Variants in CACNA1I observed in about 807,000 individuals in gnomAD.
CACNA1I encodes calcium voltage-gated channel subunit alpha1 I.
In CACNA1I, 74 loss-of-function variants were observed where a neutral mutation model predicts 201.6. That is an observed-to-expected ratio of 0.37 (90% CI 0.30 to 0.45). The LOEUF is 0.45. Among genes scored for constraint, CACNA1I ranks in the 20% least tolerant of loss-of-function variants. The pLI is 1.00. For missense variants in CACNA1I, 2,346 were observed against 3,138.1 expected (o/e 0.75, Z 6.03); for synonymous variants, 1,431 against 1,345.2 (o/e 1.06, Z -1.40).
rs900823034 is a variant in CACNA1I, at chr22:39,649,101, C to T, written c.1568-400C>T. Among the ~76,000 whole-genome samples, 1 of 152,226 alleles carries T rather than the reference C, an allele frequency of 6.6e-6. No individual in the cohort carries two copies. Among genetic ancestry groups the T allele is most frequent in the Non-Finnish European group, 1.5e-5 (1 of 68,038 alleles). Reference sequence around the variant, plus strand: ...CCTTCTCTGACGGGGGCTGCCCCCACATTGGCCTGACTCTTTCAGAATCAC... The same window carrying T: ...CCTTCTCTGACGGGGGCTGCCCCCATATTGGCCTGACTCTTTCAGAATCAC... On this transcript the variant is annotated intron_variant, in intron 9 of 36. Transcript: ENST00000402142. The surrounding 1 kb of genome is among the most constrained non-coding windows in gnomAD (Gnocchi z 7.3).
chr22:39,667,472 G>A (rs1306619800), intron 23 of CACNA1I, among the ~76,000 whole-genome samples: 1 of 152,208 alleles, frequency 6.6e-6, no homozygotes, highest in East Asian at 1.9e-4. Flanking sequence ...CCTCCGGGCA[G>A]TTTCAGATGA....
intron 1 of CACNA1I, among the ~76,000 whole-genome samples, chr22:39,597,225 C>T (rs1353111889): frequency 6.6e-6 from 1 of 152,206 alleles, no homozygotes; most frequent in Non-Finnish European, 1.5e-5. Flanking sequence ...ACTGGTATGA[C>T]AGGCGGGGGC....
chr22:39,672,609 G>A (rs1935405423), intron 27 of CACNA1I, among the ~76,000 whole-genome samples: 1 of 152,188 alleles, frequency 6.6e-6, no homozygotes, highest in Admixed American at 6.5e-5. Flanking sequence ...GGAATAGTGA[G>A]GCTCAAAGAA....
At chr22:39,583,395 TC>T (rs1165630826) in intron 1 of CACNA1I, among the ~76,000 whole-genome samples, 4 of 146,196 alleles carry the variant, frequency 2.7e-5, no homozygotes, top group Admixed American at 1.4e-4. Flanking sequence ...CATCCATCCA[TC>T]CATTCATCCA....
At position 39,662,148 on chromosome 22, in the gene CACNA1I, G is replaced by C. The variant is rs1487631334; in HGVS notation, c.3085G>C (p.Ala1029Pro). 4 of 1,527,092 alleles carry C rather than the reference G, an allele frequency of 2.6e-6. No individual in the cohort carries two copies. The highest frequency in any genetic ancestry group is 3.5e-6 in the Non-Finnish European group (4 of 1,140,708). 94.6% of individuals were successfully genotyped at this position (1,527,092 alleles called of 1,614,324 possible). Residue 1029 changes from alanine (A) to proline (P), a missense_variant, in exon 17 of 37, where the codon GCC becomes CCC. Around this residue, in one of 13 missense-constraint regions of CACNA1I, gnomAD observed 288 missense variants for 255.2 expected, o/e 1.13. Coordinates refer to ENST00000402142, the MANE Select transcript of CACNA1I (RefSeq NM_021096.4). ...TGCCGCGGACGAGGGGCCGCCGCGG[G>C]CCGCACCCCTGCACACCCCACACGC... Reference protein sequence around the residue: ...EVAADEGPPRAAPLHTPHAHH... With the variant: ...EVAADEGPPRPAPLHTPHAHH...
intron 1 of CACNA1I, among the ~76,000 whole-genome samples, chr22:39,573,309 C>A (rs1374108496): frequency 1.3e-5 from 2 of 152,104 alleles, no homozygotes; most frequent in Non-Finnish European, 2.9e-5. Flanking sequence ...CTTCTTTGAA[C>A]CTTAGGGGGT....
chr22:39,616,202 C>T (rs769992292), intron 3 of CACNA1I, among the ~76,000 whole-genome samples: 1 of 152,156 alleles, frequency 6.6e-6, no homozygotes, highest in Non-Finnish European at 1.5e-5. Context: ...GCTTCAAATG[C>T]ACTGCCAGGC....
At chr22:39,607,502 C>G (rs1408748264) in intron 3 of CACNA1I, among the ~76,000 whole-genome samples, 1 of 152,224 alleles carries the variant, frequency 6.6e-6, no homozygotes, top group African/African-American at 2.4e-5. Flanking sequence ...GAAATTACAG[C>G]TCATTCGACT....
At position 39,672,265 on chromosome 22, in the gene CACNA1I, C is replaced by T; in HGVS notation, c.4606C>T (p.Leu1536=). The part of the protein sequence containing the change: ...FTTVFVLEAV[L]KLVAFGLRRF... Reference sequence around the variant, plus strand: ...CACTGTCTTTGTGCTGGAGGCTGTGCTGAAGCTGGTGGCATTTGGTCTGAG... The same window carrying T: ...CACTGTCTTTGTGCTGGAGGCTGTGTTGAAGCTGGTGGCATTTGGTCTGAG... The change falls in exon 27 of 37, where the codon CTG becomes TTG. Residue 1536 remains leucine (L), a synonymous_variant. Transcript: ENST00000402142. 6.2e-7 allele frequency: 1 copy of T among 1,613,722 alleles called. No individual in the cohort carries two copies. Among genetic ancestry groups the T allele is most frequent in the South Asian group, 1.1e-5 (1 of 91,068 alleles).
At chr22:39,645,997 G>A (rs1275859635) in intron 7 of CACNA1I, among the ~76,000 whole-genome samples, 2 of 152,228 alleles carry the variant, frequency 1.3e-5, no homozygotes. Context: ...GGCCTGGGAA[G>A]CCCACGACGG....
chr22:39,645,783 G>A (rs756762067), intron 7 of CACNA1I, among the ~76,000 whole-genome samples: 7 of 152,202 alleles, frequency 4.6e-5, no homozygotes, highest in Non-Finnish European at 1.0e-4. Flanking sequence ...CCTGGAAACT[G>A]GAGAGGAGCC....
Position 39,647,886 on chromosome 22 carries a change from G to T in CACNA1I, c.1527G>T (p.Leu509Phe). The T allele has an allele frequency of 1.2e-6, 2 of 1,613,694 alleles. No individual in the cohort carries two copies. The highest frequency in any genetic ancestry group is 1.7e-6 in the Non-Finnish European group (2 of 1,179,850). Reference protein sequence around the residue: ...RHLGSRHCQTLHGPASPGNDH... With the variant: ...RHLGSRHCQTFHGPASPGNDH... The stretch of plus-strand genomic sequence containing the variant: ...TCGGAAGCCGGCATTGCCAGACTTT[G>T]CATGGGCCTGCCTCCCCTGGAAATG... The change falls in exon 9 of 37, where the codon TTG (leucine) becomes TTT (phenylalanine). Residue 509 changes from leucine (L) to phenylalanine (F), a missense_variant. Around this residue, in one of 13 missense-constraint regions of CACNA1I, gnomAD observed 312 missense variants for 331.5 expected, o/e 0.94. Transcript: ENST00000402142.
In CACNA1I at chr22:39,629,493, C is replaced by T. The variant is rs1601476745; in HGVS notation, c.581-5072C>T. On this transcript the variant is annotated intron_variant, in intron 4 of 36. Transcript: ENST00000402142. This position sits in a 1 kb window ranked among gnomAD's most constrained non-coding sequence, Gnocchi z 4.8. ...ACTGCCATCATTATCTGGGCCCAGC[C>T]CCACCATCTTCCGGTTTATCACAAT... 6.6e-6 allele frequency among the ~76,000 whole-genome samples: 1 copy of T among 151,906 alleles called. No homozygotes were observed. The highest frequency in any genetic ancestry group is 1.5e-5 in the Non-Finnish European group (1 of 68,012).
intron 10 of CACNA1I, among the ~76,000 whole-genome samples, chr22:39,651,162 C>T (rs1934635664): frequency 6.6e-6 from 1 of 152,208 alleles, no homozygotes; most frequent in South Asian, 2.1e-4. Context: ...GTCACTGGCC[C>T]GAGGTCCCGC....
intron 3 of CACNA1I, among the ~76,000 whole-genome samples, chr22:39,615,238 A>C (rs544355042): frequency 1.3e-5 from 2 of 152,344 alleles, no homozygotes; most frequent in East Asian, 1.9e-4. Context: ...CATGGCACCT[A>C]GGGTGAGCAG....
At chr22:39,658,817 G>A (rs759432272) in intron 11 of CACNA1I, 114 bp from the exon 12 acceptor site, 28 of 895,480 alleles carry the variant, frequency 3.1e-5, no homozygotes, top group Non-Finnish European at 4.8e-5. Context: ...TCAGATGGAT[G>A]GATGAATGGA....
At chr22:39,613,829 C>T (rs1311118198) in intron 3 of CACNA1I, among the ~76,000 whole-genome samples, 1 of 114,188 alleles carries the variant, frequency 8.8e-6, no homozygotes, top group African/African-American at 3.6e-5. Flanking sequence ...GTCTGTGGGA[C>T]ATGGATCCCT....
rs1601532576 is a variant in CACNA1I at position 39,682,670 on chromosome 22, T to G, written c.5830+9T>G. On this transcript the variant is annotated intron_variant, in intron 35 of 36. Transcript: ENST00000402142. ...ACATGACAGCAGTCAAGGTGAGGGG[T>G]GGGAGCCCTGCCAGCTCCCCACAGC... The G allele has an allele frequency of 6.2e-7, 1 of 1,608,814 alleles. No individual in the cohort carries two copies. The highest frequency in any genetic ancestry group is 2.2e-5 in the East Asian group (1 of 44,734).
chr22:39,591,661 C>A (rs1469499461), intron 1 of CACNA1I, among the ~76,000 whole-genome samples: 1 of 152,100 alleles, frequency 6.6e-6, no homozygotes, highest in African/African-American at 2.4e-5. Flanking sequence ...CGGGTTCAAG[C>A]GATTCTTCCA....
Sources: allele counts gnomAD v4.1 joint callset (sites outside exome capture counted in the v4.1 genomes callset), GRCh38; gene constraint gnomAD v4.1.1; regional missense constraint gnomAD v4.1.1; non-coding constraint Gnocchi (gnomAD v3.1); transcripts MANE v1.5; gene names NCBI Gene and HGNC (gene_info 2026-07-23, HGNC 2026-07-21).